TAFA2: variants seen among roughly 807,000 people sequenced by gnomAD.
The protein encoded by TAFA2 is chemokine-like protein TAFA-2.
In TAFA2, 7 loss-of-function variants were observed where a neutral mutation model predicts 18.8. The ratio of observed to expected loss-of-function variants is 0.37; its 90% CI spans 0.21 to 0.70. TAFA2 has a LOEUF of 0.70. Among genes scored for constraint, TAFA2 ranks in the 30% least tolerant of loss-of-function variants. The probability of loss-of-function intolerance (pLI) is 0.53; values close to 1 mark genes in which losing one functional copy is unlikely to be tolerated. For synonymous variants in TAFA2, 60 were observed against 54.2 expected (o/e 1.11, Z -0.47); for missense variants, 122 against 158.1 (o/e 0.77, Z 1.23).
intron 1 of TAFA2, among the ~76,000 whole-genome samples, chr12:62,090,449 A>G (rs1409324194): frequency 1.3e-5 from 2 of 152,078 alleles, no homozygotes; most frequent in Non-Finnish European, 2.9e-5. Context: ...TTTTTACTGT[A>G]TGAAGAATGG....
chr12:61,841,263 A>T lies in TAFA2; in HGVS notation c.106+26057T>A, dbSNP rs1873162204. ...TCCTTTCATTCAAAACTTGAATAAC[A>T]GTGAAAATGGGACTTCTACTCACCC... On this transcript the variant is annotated intron_variant, in intron 2 of 4. Transcript: ENST00000416284. 3.9e-5 allele frequency among the ~76,000 whole-genome samples: 6 copies of T among 152,250 alleles called. No individual in the cohort carries two copies. The South Asian group carries it at 1.2e-3, about 32-fold the overall frequency.
intron 1 of TAFA2, among the ~76,000 whole-genome samples, chr12:62,199,424 T>C (rs1365956789): frequency 1.3e-5 from 2 of 151,810 alleles, no homozygotes; most frequent in Non-Finnish European, 2.9e-5. Context: ...GTGTTCACAT[T>C]GTTCAGCTCC....
At chr12:62,021,497 A>G in intron 1 of TAFA2, 1 of 481,614 alleles carries the variant, frequency 2.1e-6, no homozygotes, top group Non-Finnish European at 3.9e-6. Context: ...CTGTCTTTGT[A>G]CAATATTTTA....
intron 2 of TAFA2, among the ~76,000 whole-genome samples, chr12:61,758,138 TG>T (rs2120777727): frequency 6.6e-6 from 1 of 152,090 alleles, no homozygotes; most frequent in African/African-American, 2.4e-5. Flanking sequence ...GTAAAAATCA[TG>T]TTAGTGGCAT....
intron 2 of TAFA2, among the ~76,000 whole-genome samples, chr12:61,863,916 G>C (rs916011130): frequency 6.6e-6 from 1 of 152,182 alleles, no homozygotes; most frequent in African/African-American, 2.4e-5. Flanking sequence ...TTGCCTCAAG[G>C]AGGGACCATC....
chr12:61,752,028 A>G lies in TAFA2; in HGVS notation c.384+1594T>C, dbSNP rs565789452. Among the ~76,000 whole-genome samples, 8 of 152,194 alleles carry G rather than the reference A, an allele frequency of 5.3e-5. No homozygotes were observed. In the East Asian group the frequency reaches 1.4e-3, roughly 26 times the overall value. On this transcript the variant is annotated intron_variant, in intron 4 of 4. Transcript: ENST00000416284. Reference sequence around the variant, plus strand: ...AAGTTAAATTATTAGTACAAAGTACAGGTTAAAAGATTGGGTTTTGGAATG... The same window carrying G: ...AAGTTAAATTATTAGTACAAAGTACGGGTTAAAAGATTGGGTTTTGGAATG...
intron 1 of TAFA2, among the ~76,000 whole-genome samples, chr12:62,253,910 G>C (rs759280972): frequency 4.6e-5 from 7 of 152,140 alleles, no homozygotes; most frequent in Non-Finnish European, 1.0e-4. Context: ...GATCTGTTAT[G>C]TATCTATGTT....
chr12:62,097,915 A>T (rs1869018424), intron 1 of TAFA2, among the ~76,000 whole-genome samples: 1 of 152,188 alleles, frequency 6.6e-6, no homozygotes, highest in African/African-American at 2.4e-5. Context: ...ATGAAAGTTT[A>T]AAGATGTCTT....
chr12:62,021,680 G>T (rs1026987854), intron 1 of TAFA2: 10 of 1,437,902 alleles, frequency 7.0e-6, no homozygotes, highest in Non-Finnish European at 7.8e-6. Flanking sequence ...TGCTCACGTG[G>T]TCAGGCAGGG....
chr12:62,080,869 C>T (rs1868309582), intron 1 of TAFA2, among the ~76,000 whole-genome samples: 1 of 152,102 alleles, frequency 6.6e-6, no homozygotes, highest in African/African-American at 2.4e-5. Context: ...CCTCCTAAAC[C>T]TTTGATAAAT....
intron 1 of TAFA2, among the ~76,000 whole-genome samples, chr12:61,921,023 G>A (rs952158721): frequency 1.3e-5 from 2 of 152,148 alleles, no homozygotes; most frequent in Admixed American, 6.5e-5. Flanking sequence ...TCAGAGGCCA[G>A]TGTGGCTGGA....
chr12:61,735,347 C>T (rs1190245907), intron 4 of TAFA2, among the ~76,000 whole-genome samples: 1 of 151,806 alleles, frequency 6.6e-6, no homozygotes, highest in Non-Finnish European at 1.5e-5. Flanking sequence ...ATCTTTTGAT[C>T]CAGATTGGCA....
At chr12:62,088,556 G>A (rs1299016836) in intron 1 of TAFA2, among the ~76,000 whole-genome samples, 4 of 143,666 alleles carry the variant, frequency 2.8e-5, no homozygotes, top group African/African-American at 7.8e-5. Context: ...TTTATGCTAC[G>A]AAGAGATAGA....
rs1326422550 is a variant in TAFA2 at position 62,172,221 on chromosome 12, C to CCCTCCCTTCCTCCCTTCCTT, written c.-2+19018_-2+19037dup. Among the ~76,000 whole-genome samples, 15 of 152,118 alleles carry CCCTCCCTTCCTCCCTTCCTT rather than the reference C, an allele frequency of 9.9e-5. No individual in the cohort carries two copies. In the South Asian group the frequency reaches 2.1e-3, roughly 21 times the overall value. On this transcript the variant is annotated intron_variant, in intron 1 of 4. Transcript: ENST00000416284. ...ATATAAAAAACAAGGATGCCTTCCTCCCTCCCTTCCTCCCTTCCTTCCTCC... is the reference window on the plus strand; with the variant it reads ...ATATAAAAAACAAGGATGCCTTCCTCCCTCCCTTCCTCCCTTCCTTCCTCCCTTCCTCCCTTCCTTCCTCC...
At chr12:62,231,623 T>G (rs545419512) in intron 1 of TAFA2, among the ~76,000 whole-genome samples, 61 of 152,032 alleles carry the variant, frequency 4.0e-4, no homozygotes, top group African/African-American at 1.1e-3. Flanking sequence ...ATGTTTTTTG[T>G]TTTTTTTAAC....
At chr12:62,202,821 C>CCTTTTTTTTTTTTTTTTTTTT (rs368047311) in intron 1 of TAFA2, among the ~76,000 whole-genome samples, 1 of 61,626 alleles carries the variant, frequency 1.6e-5, no homozygotes, top group Non-Finnish European at 3.0e-5. Context: ...CTGTGTGGTT[C>CCTTTTTTTTTTTTTTTTTTTT]TTTTTTTTTT....
At chr12:61,793,582 A>C (rs1431177298) in intron 2 of TAFA2, among the ~76,000 whole-genome samples, 1 of 151,800 alleles carries the variant, frequency 6.6e-6, no homozygotes, top group Non-Finnish European at 1.5e-5. Context: ...ATATCTATCA[A>C]ATAAATTGAA....
chr12:62,162,879 A>G (rs2062415172), intron 1 of TAFA2, among the ~76,000 whole-genome samples: 1 of 152,110 alleles, frequency 6.6e-6, no homozygotes, highest in Admixed American at 6.6e-5. Flanking sequence ...CTTCTGCTTG[A>G]GAACTTCCAG....
chr12:62,250,654 CAT>C (rs1565788491), intron 1 of TAFA2, among the ~76,000 whole-genome samples: 1 of 151,984 alleles, frequency 6.6e-6, no homozygotes, highest in Non-Finnish European at 1.5e-5. Flanking sequence ...TCCTATTAAA[CAT>C]GTTGGGTTTT....
Sources: gnomAD v4.1 joint callset for allele counts (sites outside exome capture counted in the v4.1 genomes callset) on GRCh38, gnomAD v4.1.1 for gene constraint, MANE v1.5 for transcripts, NCBI Gene and HGNC (gene_info 2026-07-23, HGNC 2026-07-21) for gene names.